Variants in CDH4 observed in about 807,000 individuals in gnomAD.
The protein encoded by CDH4 is cadherin-4.
CDH4 carries 33 observed loss-of-function variants against 86.0 expected under a neutral mutation model. The ratio of observed to expected loss-of-function variants is 0.38; its 90% CI spans 0.29 to 0.51. The LOEUF (loss-of-function observed/expected upper bound fraction) is 0.51. Ranked by LOEUF, CDH4 falls within the 20% of genes least tolerant of loss-of-function variation. The probability of loss-of-function intolerance (pLI) is 0.86; values close to 1 mark genes in which losing one functional copy is unlikely to be tolerated. For missense variants in CDH4, 1,114 were observed against 1,307.4 expected, an observed-to-expected ratio of 0.85 and a Z score of 2.28; for synonymous variants, 555 against 549.4, an observed-to-expected ratio of 1.01 and a Z score of -0.14.
chr20:61,797,554 G>A lies in CDH4; in HGVS notation c.576+24372G>A, dbSNP rs566441041. Among the ~76,000 whole-genome samples the A allele has an allele frequency of 1.7e-4, 26 of 152,336 alleles. No individual in the cohort carries two copies. The East Asian group carries it at 5.0e-3, about 29-fold the overall frequency. On this transcript the variant is annotated intron_variant, in intron 4 of 15. Coordinates refer to ENST00000614565, the MANE Select transcript of CDH4 (RefSeq NM_001794.5). The stretch of plus-strand genomic sequence containing the variant: ...TGTTGCAATGCCAGTGCTTTGGGAG[G>A]CAGGTGGATCACTTGAGCCCAGAAG...
At chr20:61,482,370 G>A (rs1034807491) in intron 2 of CDH4, among the ~76,000 whole-genome samples, 5 of 152,120 alleles carry the variant, frequency 3.3e-5, no homozygotes, top group Admixed American at 3.3e-4. Flanking sequence ...GATCTTTCTG[G>A]CACACACTGC....
At chr20:61,405,754 C>T (rs1310868558) in intron 2 of CDH4, among the ~76,000 whole-genome samples, 3 of 151,080 alleles carry the variant, frequency 2.0e-5, no homozygotes, top group Non-Finnish European at 4.4e-5. Flanking sequence ...AGTGCAGTGG[C>T]GCAATTTCAG....
intron 2 of CDH4, among the ~76,000 whole-genome samples, chr20:61,678,481 C>T (rs761230796): frequency 3.9e-5 from 6 of 152,166 alleles, no homozygotes; most frequent in Admixed American, 1.3e-4. Context: ...ATTAATAATG[C>T]GAAAGTGTGG....
At chr20:61,927,209 AT>A (rs2055054278) in intron 11 of CDH4, among the ~76,000 whole-genome samples, 2 of 152,258 alleles carry the variant, frequency 1.3e-5, no homozygotes, top group Non-Finnish European at 2.9e-5. Flanking sequence ...AGGAGCTGCC[AT>A]CAGGAGCAAA....
chr20:61,367,867 C>CTTTTTTTTTTTTTTTTTT (rs372521090), intron 2 of CDH4, among the ~76,000 whole-genome samples: 3 of 119,078 alleles, frequency 2.5e-5, no homozygotes, highest in African/African-American at 3.4e-5. Context: ...TCTCCAGGAT[C>CTTTTTTTTTTTTTTTTTT]TTTTTTTTTT....
chr20:61,526,835 T>C (rs1179873209), intron 2 of CDH4, among the ~76,000 whole-genome samples: 2 of 152,178 alleles, frequency 1.3e-5, no homozygotes, highest in Non-Finnish European at 2.9e-5. Context: ...GTTAAAAAGG[T>C]TGCTGTCAAA....
chr20:61,531,638 T>C (rs1422154901), intron 2 of CDH4, among the ~76,000 whole-genome samples: 9 of 152,228 alleles, frequency 5.9e-5, no homozygotes, highest in African/African-American at 2.2e-4. Context: ...TGGATGGCAT[T>C]CACGGACCAT....
chr20:61,826,373 T>C (rs1248405317), intron 4 of CDH4, among the ~76,000 whole-genome samples: 3 of 152,266 alleles, frequency 2.0e-5, no homozygotes, highest in African/African-American at 7.2e-5. Context: ...CTGGCTGGAA[T>C]GCTCTTGCCT....
intron 2 of CDH4, among the ~76,000 whole-genome samples, chr20:61,678,633 T>G (rs2145854804): frequency 6.6e-6 from 1 of 152,310 alleles, no homozygotes; most frequent in South Asian, 2.1e-4. Flanking sequence ...TCTCTCCTCG[T>G]CCTGGAGGCC....
intron 2 of CDH4, among the ~76,000 whole-genome samples, chr20:61,298,671 C>G (rs2084369730): frequency 6.9e-6 from 1 of 144,190 alleles, no homozygotes. Context: ...ACCGTACCTT[C>G]TAATTCTACT....
intron 3 of CDH4, among the ~76,000 whole-genome samples, chr20:61,747,812 T>C (rs1405500506): frequency 1.3e-5 from 2 of 152,058 alleles, no homozygotes; most frequent in Non-Finnish European, 2.9e-5. Context: ...ATTTGCAATA[T>C]GAGGGGGAGA....
Position 61,263,264 on chromosome 20 carries a change from C to A in CDH4, c.169+8327C>A, listed in dbSNP as rs950752968. Among the ~76,000 whole-genome samples, 4 of 152,114 alleles carry A rather than the reference C, an allele frequency of 2.6e-5. No individual in the cohort carries two copies. The East Asian group carries it at 7.7e-4, about 29-fold the overall frequency. The stretch of plus-strand genomic sequence containing the variant: ...GGCTCAGAATTTTGGTGCCTTTTTG[C>A]CCGGGCTCTGGGCTGCCCTCTCCTG... On this transcript the variant is annotated intron_variant, in intron 2 of 15. Transcript: ENST00000614565.
At position 61,872,740 on chromosome 20, in the gene CDH4, T is replaced by G. The variant is rs1226835732; in HGVS notation, c.878-988T>G. Among the ~76,000 whole-genome samples the G allele has an allele frequency of 2.0e-5, 3 of 152,238 alleles. No individual in the cohort carries two copies. The East Asian group carries it at 5.8e-4, about 29-fold the overall frequency. On this transcript the variant is annotated intron_variant, in intron 6 of 15. Transcript: ENST00000614565. ...GAACACCGGAAGGTGGCGGGCAGAGTCCAGCCCCAGGACTTCCAGGTGAGA... is the reference window on the plus strand; with the variant it reads ...GAACACCGGAAGGTGGCGGGCAGAGGCCAGCCCCAGGACTTCCAGGTGAGA...
At chr20:61,313,937 G>T (rs1344773523) in intron 2 of CDH4, among the ~76,000 whole-genome samples, 1 of 152,148 alleles carries the variant, frequency 6.6e-6, no homozygotes, top group Non-Finnish European at 1.5e-5. Context: ...GTCCCATCAT[G>T]TTGCCCAGGC....
At chr20:61,419,208 C>T (rs540572112) in intron 2 of CDH4, among the ~76,000 whole-genome samples, 4 of 152,246 alleles carry the variant, frequency 2.6e-5, no homozygotes, top group East Asian at 1.9e-4. Context: ...CGAGATCACT[C>T]GTTCCCCGCA....
chr20:61,478,195 C>T (rs934891159), intron 2 of CDH4, among the ~76,000 whole-genome samples: 22 of 152,230 alleles, frequency 1.4e-4, no homozygotes, highest in African/African-American at 4.3e-4. Context: ...CCTGCTGGCC[C>T]GTGAGCGTGG....
rs746371590 is a variant in CDH4 at position 61,465,613 on chromosome 20, CATA to C, written c.169+210677_169+210679del. On this transcript the variant is annotated intron_variant, in intron 2 of 15. Transcript: ENST00000614565. ...CCGAAGGGAATTGCATCTTGGTGGA[CATA>C]TGTTTGAACTGTTGTCAGTAATGAA... Among the ~76,000 whole-genome samples the C allele has an allele frequency of 1.3e-3, 203 of 152,178 alleles. 1 individual carries two copies. The highest frequency in any genetic ancestry group is 3.4e-3 in the Middle Eastern group (1 of 294).
chr20:61,885,306 ACCCCCAGCT>A (rs1243756402), intron 7 of CDH4, among the ~76,000 whole-genome samples: 1 of 150,608 alleles, frequency 6.6e-6, no homozygotes, highest in Non-Finnish European at 1.5e-5. Context: ...CGACTCCCTT[ACCCCCAGCT>A]CCCCCAGCCC....
chr20:61,581,460 C>G (rs1206690262), intron 2 of CDH4, among the ~76,000 whole-genome samples: 1 of 152,140 alleles, frequency 6.6e-6, no homozygotes. Flanking sequence ...CTCCTGGCCC[C>G]TCCTCCATCT....
Sources: gnomAD v4.1 joint callset for allele counts (sites outside exome capture counted in the v4.1 genomes callset) on GRCh38, gnomAD v4.1.1 for gene constraint, MANE v1.5 for transcripts, NCBI Gene and HGNC (gene_info 2026-07-23, HGNC 2026-07-21) for gene names.